NEURL1: variants seen among roughly 807,000 people sequenced by gnomAD.
NEURL1 encodes E3 ubiquitin-protein ligase NEURL1.
In NEURL1, 26 loss-of-function variants were observed where a neutral mutation model predicts 41.2. The observed-to-expected ratio is 0.63, with a 90% CI of 0.46 to 0.87. The LOEUF (loss-of-function observed/expected upper bound fraction) is 0.87. NEURL1 is among the 40% of genes least tolerant of loss of function. NEURL1 has a pLI of 0.00. For synonymous variants in NEURL1, 400 were observed against 402.3 expected, an observed-to-expected ratio of 0.99 and a Z score of 0.07; for missense variants, 761 against 871.1, an observed-to-expected ratio of 0.87 and a Z score of 1.59.
At position 103,558,465 on chromosome 10, in the gene NEURL1, G is replaced by A. The variant is rs1003377334; in HGVS notation, c.86-12407G>A. Among the ~76,000 whole-genome samples, 2 of 151,968 alleles carry A rather than the reference G, an allele frequency of 1.3e-5. No individual in the cohort carries two copies. Among genetic ancestry groups the A allele is most frequent in the Admixed American group, 1.3e-4 (2 of 15,252 alleles). On this transcript the variant is annotated intron_variant, in intron 1 of 5. Transcript: ENST00000369780. This position sits in a 1 kb window ranked among gnomAD's most constrained non-coding sequence, Gnocchi z 4.2. ...TGCCGGGCCTGTGTTTCCATGCGGG[G>A]GCAGCCACATCTGTGGTACTCTGTG...
chr10:103,507,050 T>C (rs974453116), intron 1 of NEURL1, among the ~76,000 whole-genome samples: 5 of 152,076 alleles, frequency 3.3e-5, no homozygotes, highest in Non-Finnish European at 7.4e-5. Context: ...ATCATGGAGA[T>C]TGTTTTGCCC....
Position 103,584,570 on chromosome 10 carries a change from G to A in NEURL1, c.684G>A (p.Pro228=). ...TGGTGCTCCCGGACTGTCTGCGGCCGCGCTCCTTCACCGCCCTGCGGCGGC... is the reference window on the plus strand; with the variant it reads ...TGGTGCTCCCGGACTGTCTGCGGCCACGCTCCTTCACCGCCCTGCGGCGGC... ...SELVLPDCLR[P]RSFTALRRPS... Residue 228 remains proline (P), a synonymous_variant, in exon 4 of 6, where the codon CCG becomes CCA. Coordinates refer to ENST00000369780, the MANE Select transcript of NEURL1 (RefSeq NM_004210.5). 1 of 1,414,430 alleles carries A rather than the reference G, an allele frequency of 7.1e-7. No individual in the cohort carries two copies. Among genetic ancestry groups the A allele is most frequent in the Non-Finnish European group, 9.2e-7 (1 of 1,090,108 alleles). 87.6% of individuals were successfully genotyped at this position (1,414,430 alleles called of 1,614,324 possible).
intron 1 of NEURL1, chr10:103,494,711 C>T: frequency 1.9e-6 from 1 of 526,876 alleles, no homozygotes; most frequent in Non-Finnish European, 3.3e-6. Flanking sequence ...ACTGGAGTCC[C>T]CTCAGGCCAT....
rs189012748 is a variant in NEURL1, at chr10:103,503,288, C to T, written c.85+8816C>T. ...AAGATGCTTATCAGGAGTCATCCCC[C>T]GGATGGCTTTGGGAAATGAGCAGGT... On this transcript the variant is annotated intron_variant, in intron 1 of 5. Coordinates refer to ENST00000369780, the MANE Select transcript of NEURL1 (RefSeq NM_004210.5). Among the ~76,000 whole-genome samples, 10 of 152,264 alleles carry T rather than the reference C, an allele frequency of 6.6e-5. 1 individual carries two copies. The East Asian group carries it at 7.7e-4, about 12-fold the overall frequency.
Position 103,495,147 on chromosome 10 carries a change from G to A in NEURL1, c.85+675G>A, listed in dbSNP as rs529066294. 2.0e-5 allele frequency among the ~76,000 whole-genome samples: 3 copies of A among 152,318 alleles called. No homozygotes were observed. In the South Asian group the frequency reaches 6.2e-4, roughly 32 times the overall value. ...TCCCCAGATCCACTCAGCACCCTCA[G>A]GGTGGCCCTAGGCCCAGTCTCCCCA... On this transcript the variant is annotated intron_variant, in intron 1 of 5. Coordinates refer to ENST00000369780, the MANE Select transcript of NEURL1 (RefSeq NM_004210.5).
At chr10:103,557,258 T>C (rs542029565) in intron 1 of NEURL1, among the ~76,000 whole-genome samples, 63 of 151,850 alleles carry the variant, frequency 4.1e-4, no homozygotes, top group African/African-American at 1.5e-3. Flanking sequence ...TGAGACCTCG[T>C]CTCAAGAAAA....
At position 103,585,071 on chromosome 10, in the gene NEURL1, C is replaced by A; in HGVS notation, c.1185C>A (p.Ser395Arg). The A allele has an allele frequency of 6.3e-7, 1 of 1,590,504 alleles. No individual in the cohort carries two copies. Among genetic ancestry groups the A allele is most frequent in the Non-Finnish European group, 8.5e-7 (1 of 1,176,510 alleles). ...AVCRVPGPLH[S>R]GDILGLVVNA... is the part of the protein sequence containing the mutation. ...GCCGCGTGCCCGGGCCCCTGCACAGCGGCGACATCCTGGGCCTGGTGGTCA... is the reference window on the plus strand; with the variant it reads ...GCCGCGTGCCCGGGCCCCTGCACAGAGGCGACATCCTGGGCCTGGTGGTCA... Residue 395 changes from serine (S) to arginine (R), a missense_variant, in exon 4 of 6, where the codon AGC (serine) becomes AGA (arginine). Ser to Arg is a moderately radical substitution (Grantham distance 110, BLOSUM62 -1). This residue lies in a region of NEURL1 where 443 missense variants were observed against 408.1 expected (regional missense o/e 1.09). Transcript: ENST00000369780.
intron 3 of NEURL1, among the ~76,000 whole-genome samples, 173 bp downstream of exon 3, chr10:103,571,995 T>G (rs1245156015): frequency 6.6e-6 from 1 of 152,134 alleles, no homozygotes. Context: ...TCTCCTTTCC[T>G]CCAGGCCCGT....
At chr10:103,555,243 A>C in intron 1 of NEURL1, 14 of 846,848 alleles carry the variant, frequency 1.7e-5, no homozygotes, top group Non-Finnish European at 1.9e-5. Context: ...GGGGCGCGGG[A>C]GGGGCCTCGG....
rs74400393 is a variant in NEURL1 at position 103,518,275 on chromosome 10, A to G, written c.85+23803A>G. On this transcript the variant is annotated intron_variant, in intron 1 of 5. Coordinates refer to ENST00000369780, the MANE Select transcript of NEURL1 (RefSeq NM_004210.5). ...ATATTATTAAAAGAGCAAATTGTGT[A>G]ATATGTATAGTATGGGCCTGTTTGC... is the stretch of plus-strand genomic sequence containing the variant. 4.0e-3 allele frequency among the ~76,000 whole-genome samples: 607 copies of G among 152,254 alleles called. 2 individuals carry two copies. The highest frequency in any genetic ancestry group is 6.4e-3 in the Admixed American group (98 of 15,288).
chr10:103,513,394 G>T (rs1477820428), intron 1 of NEURL1, among the ~76,000 whole-genome samples: 2 of 152,352 alleles, frequency 1.3e-5, no homozygotes, highest in East Asian at 3.9e-4. Context: ...TCACTGGGAG[G>T]TATTGGGGGC....
intron 1 of NEURL1, 92 bp downstream of exon 1, chr10:103,494,564 T>C: frequency 7.0e-6 from 8 of 1,146,954 alleles, no homozygotes; most frequent in Non-Finnish European, 9.7e-6. Flanking sequence ...ACGCCACCTG[T>C]TGTGCGTGTC....
chr10:103,509,064 A>T (rs1267472457), intron 1 of NEURL1, among the ~76,000 whole-genome samples: 1 of 152,150 alleles, frequency 6.6e-6, no homozygotes, highest in African/African-American at 2.4e-5. Flanking sequence ...GCCCATCTCT[A>T]TTAAAAATAC....
intron 1 of NEURL1, among the ~76,000 whole-genome samples, chr10:103,532,049 A>G (rs1008958153): frequency 6.6e-6 from 1 of 152,132 alleles, no homozygotes; most frequent in Non-Finnish European, 1.5e-5. Context: ...ATCTTTATCC[A>G]TCCCTTCATT....
At chr10:103,529,204 A>G (rs962142936) in intron 1 of NEURL1, among the ~76,000 whole-genome samples, 6 of 152,230 alleles carry the variant, frequency 3.9e-5, no homozygotes, top group African/African-American at 1.4e-4. Context: ...GATTGTTTGT[A>G]GAAGTGCAGC....
At chr10:103,589,437 A>C in intron 4 of NEURL1, 77 bp from the exon 5 acceptor site, 2 of 1,486,246 alleles carry the variant, frequency 1.3e-6, no homozygotes, top group Non-Finnish European at 9.0e-7. Context: ...CTGGGAACCC[A>C]CTGTGAGGGA....
rs2035885794 is a variant in NEURL1, at chr10:103,585,044, G to T, written c.1158G>T (p.Val386=). The T allele has an allele frequency of 1.3e-6, 2 of 1,588,696 alleles. No homozygotes were observed. Among genetic ancestry groups the T allele is most frequent in the South Asian group, 2.2e-5 (2 of 89,368 alleles). The change falls in exon 4 of 6, where the codon GTG becomes GTT. Residue 386 remains valine (V), a synonymous_variant. Transcript: ENST00000369780. ...ALVDRKEFWA[V]CRVPGPLHSG... ...TGGACCGCAAGGAATTCTGGGCCGTGTGCCGCGTGCCCGGGCCCCTGCACA... is the reference window on the plus strand; with the variant it reads ...TGGACCGCAAGGAATTCTGGGCCGTTTGCCGCGTGCCCGGGCCCCTGCACA...
intron 1 of NEURL1, among the ~76,000 whole-genome samples, chr10:103,560,784 C>T (rs923860475): frequency 9.9e-5 from 15 of 152,206 alleles, no homozygotes; most frequent in Non-Finnish European, 1.8e-4. Context: ...GTTCAGAGCC[C>T]AGCTCTGCCA....
intron 1 of NEURL1, among the ~76,000 whole-genome samples, chr10:103,541,169 GGTA>G (rs2133863882): frequency 6.6e-6 from 1 of 152,276 alleles, no homozygotes; most frequent in East Asian, 1.9e-4. Flanking sequence ...CACACAACTG[GGTA>G]GTAGTAGTCC....
Sources: allele counts gnomAD v4.1 joint callset (sites outside exome capture counted in the v4.1 genomes callset), GRCh38; gene constraint gnomAD v4.1.1; regional missense constraint gnomAD v4.1.1; non-coding constraint Gnocchi (gnomAD v3.1); transcripts MANE v1.5; gene names NCBI Gene and HGNC (gene_info 2026-07-23, HGNC 2026-07-21).